KCNC2: variants seen among roughly 807,000 people sequenced by gnomAD.
KCNC2 encodes the protein voltage-gated potassium channel KCNC2.
In KCNC2, 21 loss-of-function variants were observed where a neutral mutation model predicts 44.5. The observed-to-expected ratio is 0.47, with a 90% CI of 0.33 to 0.68. The LOEUF (loss-of-function observed/expected upper bound fraction) is 0.68. Ranked by LOEUF, KCNC2 falls within the 30% of genes least tolerant of loss-of-function variation. The probability of loss-of-function intolerance (pLI) is 0.01; values close to 1 mark genes in which losing one functional copy is unlikely to be tolerated. For missense variants in KCNC2, 589 were observed against 826.2 expected (o/e 0.71, Z 3.52); for synonymous variants, 391 against 339.1 (o/e 1.15, Z -1.68).
chr12:75,043,226 C>A lies in KCNC2; in HGVS notation c.1796G>T (p.Arg599Leu). Residue 599 changes from arginine to leucine, a missense_variant, in exon 5 of 5, where the codon CGA (arginine) becomes CTA (leucine). Physicochemically the swap from Arg to Leu is moderately radical, Grantham distance 102 (BLOSUM62 -2). Transcript: ENST00000549446. ...GGIRKGYEKS[R>L]SLNNIAGLAG... is the part of the protein sequence containing the mutation. Reference sequence around the variant, plus strand: ...CAAGCCCGCTATGTTGTTTAAGCTTCGGGATTTTTCATATCCTTTTATGAA... The same window carrying A: ...CAAGCCCGCTATGTTGTTTAAGCTTAGGGATTTTTCATATCCTTTTATGAA... 1 of 1,611,878 alleles carries A rather than the reference C, an allele frequency of 6.2e-7. No individual in the cohort carries two copies. The highest frequency in any genetic ancestry group is 8.5e-7 in the Non-Finnish European group (1 of 1,178,740).
At position 75,145,412 on chromosome 12, in the gene KCNC2, A is replaced by G. The variant is rs79391673; in HGVS notation, c.687+61885T>C. 3.9e-5 allele frequency among the ~76,000 whole-genome samples: 6 copies of G among 152,112 alleles called. No individual in the cohort carries two copies. The East Asian group carries it at 5.8e-4, about 15-fold the overall frequency. On this transcript the variant is annotated intron_variant, in intron 2 of 4. Coordinates refer to ENST00000549446, the MANE Select transcript of KCNC2 (RefSeq NM_139137.4). ...TTTACATTGGCTTCTGTTTATTTAC[A>G]TGCTGGGTCTAAGCCAGCTACATTA...
At position 75,042,531 on chromosome 12, in the gene KCNC2, AAC is replaced by A; in HGVS notation, c.*572_*573del. 5 of 1,413,304 alleles carry A rather than the reference AAC, an allele frequency of 3.5e-6. No individual in the cohort carries two copies. Among genetic ancestry groups the A allele is most frequent in the Non-Finnish European group, 4.6e-6 (5 of 1,087,954 alleles). The allele number at this position is 1,413,304 out of a possible 1,614,324, so 87.5% of individuals were successfully genotyped here. A position where few individuals can be genotyped will look rare whatever the true frequency, so the allele number is the denominator to read the frequency against. ...AAGTGCCCTCCCTGCCCCACAATTCAACATGCAGAACAGTCGACCAATGCTTT... is the reference window on the plus strand; with the variant it reads ...AAGTGCCCTCCCTGCCCCACAATTCAATGCAGAACAGTCGACCAATGCTTT... On this transcript the variant is annotated 3_prime_UTR_variant, in exon 5 of 5. Coordinates refer to ENST00000549446, the MANE Select transcript of KCNC2 (RefSeq NM_139137.4).
At chr12:75,110,640 T>C (rs913411500) in intron 2 of KCNC2, among the ~76,000 whole-genome samples, 2 of 152,164 alleles carry the variant, frequency 1.3e-5, no homozygotes, top group Non-Finnish European at 2.9e-5. Context: ...AGTAGATCTA[T>C]ATGGATGATC....
At chr12:75,106,817 G>A (rs1242834634) in intron 2 of KCNC2, among the ~76,000 whole-genome samples, 2 of 152,072 alleles carry the variant, frequency 1.3e-5, no homozygotes, top group Non-Finnish European at 2.9e-5. Flanking sequence ...GCAGATATAA[G>A]CAATGGCACA....
At chr12:75,114,381 G>A (rs974188047) in intron 2 of KCNC2, among the ~76,000 whole-genome samples, 1 of 152,138 alleles carries the variant, frequency 6.6e-6, no homozygotes, top group Non-Finnish European at 1.5e-5. Context: ...CAAACATCTT[G>A]CAGGCATTAT....
intron 2 of KCNC2, among the ~76,000 whole-genome samples, chr12:75,123,297 A>G (rs1226962315): frequency 6.6e-6 from 1 of 152,206 alleles, no homozygotes; most frequent in Non-Finnish European, 1.5e-5. Context: ...TGATATGTAA[A>G]TCTAAGTTGA....
At chr12:75,127,488 C>T (rs1888516171) in intron 2 of KCNC2, among the ~76,000 whole-genome samples, 1 of 152,120 alleles carries the variant, frequency 6.6e-6, no homozygotes, top group African/African-American at 2.4e-5. Context: ...GGGAAGGGAA[C>T]TAGTTTGATC....
At chr12:75,077,336 T>C (rs1884084672) in intron 2 of KCNC2, among the ~76,000 whole-genome samples, 2 of 152,156 alleles carry the variant, frequency 1.3e-5, no homozygotes. Flanking sequence ...TTTATAAAAT[T>C]TAATAAACTC....
intron 2 of KCNC2, among the ~76,000 whole-genome samples, chr12:75,169,925 G>T (rs1355954206): frequency 6.6e-6 from 1 of 151,594 alleles, no homozygotes; most frequent in Non-Finnish European, 1.5e-5. Flanking sequence ...CTGATTGCTT[G>T]TGATTACTTT....
chr12:75,160,525 C>G (rs1891054595), intron 2 of KCNC2, among the ~76,000 whole-genome samples: 1 of 151,776 alleles, frequency 6.6e-6, no homozygotes, highest in African/African-American at 2.4e-5. Context: ...AGTTCTATAA[C>G]TCAAATGATT....
At position 75,078,422 on chromosome 12, in the gene KCNC2, G is replaced by A. The variant is rs200766571; in HGVS notation, c.688-27105C>T. ...TCCATCTTCTGTAATTATAATGACT[G>A]TCAAGGAAATGTAGTACAGGAGTAG... On this transcript the variant is annotated intron_variant, in intron 2 of 4. Transcript: ENST00000549446. 3.2e-4 allele frequency among the ~76,000 whole-genome samples: 48 copies of A among 152,266 alleles called. No individual in the cohort carries two copies. In the East Asian group the frequency reaches 9.3e-3, roughly 29 times the overall value.
rs550051669 is a variant in KCNC2, at chr12:75,142,515, G to C, written c.687+64782C>G. On this transcript the variant is annotated intron_variant, in intron 2 of 4. Coordinates refer to ENST00000549446, the MANE Select transcript of KCNC2 (RefSeq NM_139137.4). ...TATAGCAAACTGCCTGCAAGACTTA[G>C]TGGCTTACAACAAATCATTTATTTT... 5.9e-5 allele frequency among the ~76,000 whole-genome samples: 9 copies of C among 152,298 alleles called. No individual in the cohort carries two copies. In the East Asian group the frequency reaches 1.7e-3, roughly 29 times the overall value.
At chr12:75,107,030 C>T (rs113905085) in intron 2 of KCNC2, among the ~76,000 whole-genome samples, 26 of 151,420 alleles carry the variant, frequency 1.7e-4, no homozygotes, top group African/African-American at 5.6e-4. Context: ...GGGGGCTGGG[C>T]GTGGTGGCTC....
intron 2 of KCNC2, among the ~76,000 whole-genome samples, chr12:75,201,462 T>A (rs1327340856): frequency 6.6e-6 from 1 of 151,676 alleles, no homozygotes; most frequent in Admixed American, 6.6e-5. Flanking sequence ...GTCCAATGTG[T>A]CATCTCAATG....
At chr12:75,066,988 A>C (rs1882895032) in intron 2 of KCNC2, among the ~76,000 whole-genome samples, 1 of 152,270 alleles carries the variant, frequency 6.6e-6, no homozygotes, top group Non-Finnish European at 1.5e-5. Flanking sequence ...AGATTACATG[A>C]GTCCAGGAGT....
At chr12:75,131,331 C>A (rs994430249) in intron 2 of KCNC2, among the ~76,000 whole-genome samples, 2 of 152,078 alleles carry the variant, frequency 1.3e-5, no homozygotes, top group African/African-American at 2.4e-5. Flanking sequence ...ATTCCTTACA[C>A]TTAGCAAAAG....
chr12:75,055,352 C>A (rs780051492), intron 2 of KCNC2, among the ~76,000 whole-genome samples: 8 of 151,708 alleles, frequency 5.3e-5, no homozygotes, highest in South Asian at 2.1e-4. Flanking sequence ...ATTTAAAAAG[C>A]AAATTGAACT....
chr12:75,205,459 A>G (rs61932911), intron 2 of KCNC2, among the ~76,000 whole-genome samples: 11,915 of 152,172 alleles, frequency 0.078, 538 homozygotes, highest in Admixed American at 0.14. Flanking sequence ...ATCGTAGTAA[A>G]TGCTTTTTAA....
chr12:75,160,796 C>T (rs1592997913), intron 2 of KCNC2, among the ~76,000 whole-genome samples: 1 of 151,762 alleles, frequency 6.6e-6, no homozygotes, highest in African/African-American at 2.4e-5. Flanking sequence ...TATTTAACAT[C>T]TCAGTTAAGT....
Sources: gnomAD v4.1 joint callset for allele counts (sites outside exome capture counted in the v4.1 genomes callset) on GRCh38, gnomAD v4.1.1 for gene constraint, MANE v1.5 for transcripts, NCBI Gene and HGNC (gene_info 2026-07-23, HGNC 2026-07-21) for gene names.